Variants in INSYN2B observed in about 807,000 individuals in gnomAD.
INSYN2B encodes the protein protein INSYN2B.
In INSYN2B, 16 loss-of-function variants were observed where a neutral mutation model predicts 41.2. That is an observed-to-expected ratio of 0.39 (90% CI 0.26 to 0.59). INSYN2B has a LOEUF of 0.59. INSYN2B is among the 20% of genes least tolerant of loss of function. INSYN2B has a pLI of 0.57. For synonymous variants in INSYN2B, 245 were observed against 244.4 expected, an observed-to-expected ratio of 1.00 and a Z score of -0.02; for missense variants, 608 against 646.4, an observed-to-expected ratio of 0.94 and a Z score of 0.64.
chr5:169,943,912 C>G (rs1275882905), intron 1 of INSYN2B, among the ~76,000 whole-genome samples: 1 of 152,176 alleles, frequency 6.6e-6, no homozygotes, highest in Non-Finnish European at 1.5e-5. Flanking sequence ...TCATCTTTGC[C>G]ACTTAATTCA....
chr5:169,976,112 A>T (rs547587883), intron 1 of INSYN2B, among the ~76,000 whole-genome samples: 11 of 152,332 alleles, frequency 7.2e-5, no homozygotes, highest in Admixed American at 1.3e-4. Context: ...AAATTCTATA[A>T]TAAATTCAAT....
At position 169,939,027 on chromosome 5, in the gene INSYN2B, G is replaced by A. The variant is rs1433317853; in HGVS notation, c.-919+41250C>T. 4.0e-5 allele frequency among the ~76,000 whole-genome samples: 6 copies of A among 150,668 alleles called. No homozygotes were observed. The South Asian group carries it at 8.4e-4, about 21-fold the overall frequency. ...CACGCCATTCTCCTACCTTAGCCTC[G>A]GGAGTAGCTGGGACTACAGGCATGC... On this transcript the variant is annotated intron_variant, in intron 1 of 3. Transcript: ENST00000377365.
At chr5:169,977,756 A>G (rs549731649) in intron 1 of INSYN2B, among the ~76,000 whole-genome samples, 1 of 152,256 alleles carries the variant, frequency 6.6e-6, no homozygotes, top group East Asian at 1.9e-4. Context: ...CAGACAGCAC[A>G]CCTTAGTTTT....
intron 1 of INSYN2B, among the ~76,000 whole-genome samples, chr5:169,904,717 A>G (rs1056005259): frequency 7.2e-5 from 11 of 152,370 alleles, no homozygotes; most frequent in Middle Eastern, 3.4e-3. Flanking sequence ...GGGTGGCCTC[A>G]GCTCAGCGAG....
chr5:169,883,742 C>T lies in INSYN2B; in HGVS notation c.157G>A (p.Glu53Lys), dbSNP rs1772808509. 1 of 1,551,644 alleles carries T rather than the reference C, an allele frequency of 6.4e-7. No homozygotes were observed. Among genetic ancestry groups the T allele is most frequent in the East Asian group, 2.4e-5 (1 of 40,924 alleles). The stretch of plus-strand genomic sequence containing the variant: ...TCTTCTGGAGTTTGGACGTCAACCT[C>T]AGCTAGGCCAGTTGGATTCTTAGTG... ...GTTKNPTGLA[E>K]VDVQTPEDPA... is the part of the protein sequence containing the mutation. The change falls in exon 2 of 4, where the codon GAG becomes AAG. Residue 53 changes from glutamate (E) to lysine (K), a missense_variant. Coordinates refer to ENST00000377365, the MANE Select transcript of INSYN2B (RefSeq NM_001129891.3).
Position 169,864,162 on chromosome 5 carries a change from G to C in INSYN2B, c.*111C>G, listed in dbSNP as rs1771385033. On this transcript the variant is annotated 3_prime_UTR_variant, in exon 4 of 4. Transcript: ENST00000377365. ...GCTCTTCTGTTTCACAGGCCAAGGGGCTCACAGCCCAGGGCCTTTGCAAAG... is the reference window on the plus strand; with the variant it reads ...GCTCTTCTGTTTCACAGGCCAAGGGCCTCACAGCCCAGGGCCTTTGCAAAG... 1.0e-6 allele frequency: 1 copy of C among 961,074 alleles called. No individual in the cohort carries two copies. Among genetic ancestry groups the C allele is most frequent in the African/African-American group, 1.6e-5 (1 of 61,272 alleles). The allele number at this position is 961,074 out of a possible 1,614,324, so 59.5% of individuals were successfully genotyped here. A position where few individuals can be genotyped will look rare whatever the true frequency, so the allele number is the denominator to read the frequency against.
chr5:169,979,012 A>G (rs73327857), intron 1 of INSYN2B, among the ~76,000 whole-genome samples: 3,016 of 152,218 alleles, frequency 0.02, 104 homozygotes, highest in African/African-American at 0.068. Flanking sequence ...TTAAGAAGCA[A>G]TTTCCCATCC....
intron 1 of INSYN2B, among the ~76,000 whole-genome samples, chr5:169,919,219 G>A (rs907606918): frequency 1.3e-5 from 2 of 152,176 alleles, no homozygotes; most frequent in African/African-American, 4.8e-5. Context: ...GAGGCCTTGA[G>A]AAGCTGCATA....
rs79365657 is a variant in INSYN2B, at chr5:169,975,134, A to G, written c.-919+5143T>C. Among the ~76,000 whole-genome samples the G allele has an allele frequency of 4.1e-3, 629 of 152,350 alleles. 2 individuals are homozygous for G. Among genetic ancestry groups the G allele is most frequent in the African/African-American group, 0.014 (578 of 41,590 alleles). On this transcript the variant is annotated intron_variant, in intron 1 of 3. Transcript: ENST00000377365. ...TGCTGAAGGAGGGCCAGATTCTGCTAGAAAATAATCATTTAGCAAGAAATG... is the reference window on the plus strand; with the variant it reads ...TGCTGAAGGAGGGCCAGATTCTGCTGGAAAATAATCATTTAGCAAGAAATG...
chr5:169,880,924 A>G (rs1270572311), intron 3 of INSYN2B, among the ~76,000 whole-genome samples: 1 of 152,236 alleles, frequency 6.6e-6, no homozygotes, highest in Non-Finnish European at 1.5e-5. Flanking sequence ...TGTGCCAAGT[A>G]AGGGCTTGGC....
chr5:169,967,071 G>A (rs1777328887), intron 1 of INSYN2B, among the ~76,000 whole-genome samples: 1 of 152,232 alleles, frequency 6.6e-6, no homozygotes, highest in African/African-American at 2.4e-5. Context: ...TGTGCCAGGT[G>A]CTAGGGATAA....
chr5:169,957,469 T>C (rs1223552947), intron 1 of INSYN2B, among the ~76,000 whole-genome samples: 1 of 152,208 alleles, frequency 6.6e-6, no homozygotes, highest in African/African-American at 2.4e-5. Flanking sequence ...TCCACAGCCC[T>C]GTAAGGAGAA....
At chr5:169,951,246 T>C (rs572413114) in intron 1 of INSYN2B, among the ~76,000 whole-genome samples, 2 of 152,250 alleles carry the variant, frequency 1.3e-5, no homozygotes, top group Non-Finnish European at 2.9e-5. Context: ...TTACCTTCCC[T>C]AGTGTGGACA....
intron 1 of INSYN2B, among the ~76,000 whole-genome samples, chr5:169,907,442 G>A (rs1447897454): frequency 6.6e-6 from 1 of 152,188 alleles, no homozygotes; most frequent in Non-Finnish European, 1.5e-5. Context: ...CTCCTGCAGA[G>A]AAGCAGCTAA....
intron 1 of INSYN2B, among the ~76,000 whole-genome samples, chr5:169,898,561 C>CA (rs2113568622): frequency 6.7e-6 from 1 of 148,562 alleles, no homozygotes; most frequent in South Asian, 2.1e-4. Context: ...ACAACAACAA[C>CA]ACACACCGGA....
intron 1 of INSYN2B, among the ~76,000 whole-genome samples, chr5:169,908,713 C>CTTTTT (rs34261104): frequency 1.7e-4 from 18 of 105,010 alleles, no homozygotes; most frequent in Admixed American, 4.3e-4. Context: ...TTTCTTTTTT[C>CTTTTT]TTTTTTTTTT....
intron 1 of INSYN2B, among the ~76,000 whole-genome samples, chr5:169,928,717 G>A (rs1202853788): frequency 6.6e-6 from 1 of 152,218 alleles, no homozygotes; most frequent in Non-Finnish European, 1.5e-5. Flanking sequence ...TTCTCAACAA[G>A]TTATGACACC....
chr5:169,887,239 C>T (rs776564441), intron 1 of INSYN2B, among the ~76,000 whole-genome samples: 2 of 152,206 alleles, frequency 1.3e-5, no homozygotes, highest in East Asian at 3.9e-4. Context: ...TTAGCCCTGC[C>T]TTTTCTCCAG....
intron 3 of INSYN2B, among the ~76,000 whole-genome samples, chr5:169,873,102 T>C (rs1018298926): frequency 6.6e-6 from 1 of 152,268 alleles, no homozygotes; most frequent in African/African-American, 2.4e-5. Flanking sequence ...TTTATATTTA[T>C]GGCATGTGTC....
Sources: allele counts gnomAD v4.1 joint callset (sites outside exome capture counted in the v4.1 genomes callset), GRCh38; gene constraint gnomAD v4.1.1; transcripts MANE v1.5; gene names NCBI Gene and HGNC (gene_info 2026-07-23, HGNC 2026-07-21).